ERCC6L2: variants seen among roughly 807,000 people sequenced by gnomAD.
ERCC6L2 encodes ERCC excision repair 6 like 2.
Under a neutral mutation model 132.0 loss-of-function variants are expected in ERCC6L2, and 77 were observed. That is an observed-to-expected ratio of 0.58 (90% CI 0.49 to 0.71). The LOEUF is 0.71. ERCC6L2 is among the 30% of genes least tolerant of loss of function. The pLI, the probability that ERCC6L2 is intolerant of heterozygous loss-of-function variation, is 0.00. For synonymous variants in ERCC6L2, 583 were observed against 632.4 expected (o/e 0.92, Z 1.17); for missense variants, 1,542 against 1,837.6 (o/e 0.84, Z 2.94).
At chr9:95,915,509 G>A (rs1433578084) in intron 4 of ERCC6L2, among the ~76,000 whole-genome samples, 159 bp from the exon 5 acceptor site, 1 of 152,068 alleles carries the variant, frequency 6.6e-6, no homozygotes, top group Non-Finnish European at 1.5e-5. Context: ...CCAAGGGTGT[G>A]ACCATTTAAC....
intron 17 of ERCC6L2, among the ~76,000 whole-genome samples, chr9:95,981,945 T>C (rs1290385079): frequency 6.6e-6 from 1 of 152,180 alleles, no homozygotes; most frequent in Non-Finnish European, 1.5e-5. Flanking sequence ...ATAGTCAACC[T>C]CTGCTGCCTG....
chr9:96,034,888 G>T (rs1170990541), intron 19 of ERCC6L2, among the ~76,000 whole-genome samples: 1 of 151,610 alleles, frequency 6.6e-6, no homozygotes, highest in African/African-American at 2.4e-5. Context: ...CCTGACCCAT[G>T]GCTGTAGACC....
chr9:96,005,458 G>A (rs1588048643), intron 18 of ERCC6L2, among the ~76,000 whole-genome samples: 1 of 151,820 alleles, frequency 6.6e-6, no homozygotes, highest in East Asian at 1.9e-4. Context: ...GATGGGGAGG[G>A]GACATGGAAC....
intron 12 of ERCC6L2, 150 bp from the exon 13 acceptor site, chr9:95,955,764 T>C (rs1200406259): frequency 2.6e-6 from 1 of 389,042 alleles, no homozygotes; most frequent in African/African-American, 2.1e-5. Flanking sequence ...ATTTTTGAAT[T>C]ATTACTAAAT....
At chr9:95,953,127 G>T (rs1176092245) in intron 12 of ERCC6L2, among the ~76,000 whole-genome samples, 1 of 152,164 alleles carries the variant, frequency 6.6e-6, no homozygotes, top group Non-Finnish European at 1.5e-5. Flanking sequence ...TTTGGAAAGT[G>T]CCTGTAGCTA....
At chr9:95,916,525 A>G in intron 6 of ERCC6L2, 91 bp downstream of exon 6, 1 of 1,115,928 alleles carries the variant, frequency 9.0e-7, no homozygotes, top group Non-Finnish European at 1.2e-6. Context: ...GCATTTTGTA[A>G]ATACAGTTTT....
At chr9:95,978,333 C>A in intron 17 of ERCC6L2, 118 bp downstream of exon 17, 1 of 529,718 alleles carries the variant, frequency 1.9e-6, no homozygotes. Context: ...AAGTGACATA[C>A]AAATAAGTGT....
At chr9:96,021,296 G>C, downstream of ERCC6L2, 1 of 336,604 alleles carries the variant, frequency 3.0e-6, no homozygotes, top group Non-Finnish European at 5.8e-6. The surrounding 1 kb of genome is among the most constrained non-coding windows in gnomAD (Gnocchi z 4.7). Flanking sequence ...AAAGAAAAGA[G>C]AAAGCAAGCG....
At chr9:95,979,362 G>T (rs1022219958) in intron 17 of ERCC6L2, among the ~76,000 whole-genome samples, 1 of 152,112 alleles carries the variant, frequency 6.6e-6, no homozygotes, top group African/African-American at 2.4e-5. Context: ...CATATGCAAA[G>T]AATTGTTCTG....
At chr9:96,007,973 G>A (rs964481233) in intron 18 of ERCC6L2, among the ~76,000 whole-genome samples, 2 of 152,092 alleles carry the variant, frequency 1.3e-5, no homozygotes, top group African/African-American at 4.8e-5. Flanking sequence ...TCTTTGGAGT[G>A]CTGGCGTGGC....
intron 8 of ERCC6L2, 129 bp downstream of exon 8, chr9:95,922,547 T>A (rs1031497045): frequency 3.0e-5 from 19 of 623,850 alleles, no homozygotes; most frequent in Non-Finnish European, 5.0e-5. Context: ...TATTTTTAAA[T>A]GTAGATATCA....
chr9:95,967,813 A>G (rs1469364525), intron 14 of ERCC6L2: 1 of 151,854 alleles, frequency 6.6e-6, no homozygotes, highest in Non-Finnish European at 1.5e-5. Context: ...TGTTCTTTCC[A>G]GTTTCCCTTT....
rs1588002475 is a variant in ERCC6L2, at chr9:95,972,276, C to G, written c.2525C>G (p.Ser842Cys). The stretch of plus-strand genomic sequence containing the variant: ...GCTGGTTGTGAGAAAAATCAGGACT[C>G]TCTTGGTACTTCAAAACATCAGAAA... ...KDAGCEKNQD[S>C]LGTSKHQKLD... is the part of the protein sequence containing the mutation. Residue 842 changes from serine to cysteine, a missense_variant, in exon 16 of 19, where the codon TCT becomes TGT. Coordinates refer to ENST00000653738, the MANE Select transcript of ERCC6L2 (RefSeq NM_020207.7). 1 of 1,301,410 alleles carries G rather than the reference C, an allele frequency of 7.7e-7. No homozygotes were observed. Among genetic ancestry groups the G allele is most frequent in the South Asian group, 1.2e-5 (1 of 80,176 alleles). 80.6% of individuals were successfully genotyped at this position (1,301,410 alleles called of 1,614,324 possible).
rs368915695 is a variant in ERCC6L2 at position 95,884,639 on chromosome 9, G to A, written c.471+3346G>A. 2.6e-4 allele frequency among the ~76,000 whole-genome samples: 40 copies of A among 152,028 alleles called. 1 individual carries two copies. In the Middle Eastern group the frequency reaches 0.014, roughly 52 times the overall value. On this transcript the variant is annotated intron_variant, in intron 2 of 18. Transcript: ENST00000653738. ...TCCCTCATTTCAAATTTAAAAGTAG[G>A]TGAATTTAATATTTTACACTCTACA...
intron 14 of ERCC6L2, chr9:95,968,503 T>C (rs1200025602): frequency 1.3e-5 from 2 of 152,176 alleles, no homozygotes; most frequent in Non-Finnish European, 2.9e-5. Context: ...CTTCTAAATA[T>C]TATTATTAGC....
At chr9:95,982,781 C>A (rs771739410) in intron 17 of ERCC6L2, among the ~76,000 whole-genome samples, 6 of 152,030 alleles carry the variant, frequency 3.9e-5, no homozygotes, top group Non-Finnish European at 8.8e-5. Flanking sequence ...ACACCTAGAA[C>A]TAGGATTGAT....
intron 13 of ERCC6L2, among the ~76,000 whole-genome samples, chr9:95,960,095 A>C (rs141128481): frequency 5.1e-4 from 78 of 152,266 alleles, no homozygotes; most frequent in African/African-American, 1.7e-3. Flanking sequence ...AGTGAGAACA[A>C]TAAGTAGAAG....
intron 7 of ERCC6L2, among the ~76,000 whole-genome samples, chr9:95,921,792 C>T (rs1829880487): frequency 1.3e-5 from 2 of 152,128 alleles, no homozygotes; most frequent in African/African-American, 4.8e-5. Flanking sequence ...ATATTTCCTG[C>T]TCATGTTTCA....
In ERCC6L2 at chr9:95,966,722, CTT is replaced by C; in HGVS notation, c.2100+9_2100+10del. The C allele has an allele frequency of 2.1e-6, 3 of 1,428,106 alleles. No homozygotes were observed. The highest frequency in any genetic ancestry group is 2.8e-6 in the Non-Finnish European group (3 of 1,072,210). The allele number at this position is 1,428,106 out of a possible 1,614,324, so 88.5% of individuals were successfully genotyped here. On this transcript the variant is annotated intron_variant, in intron 14 of 18. Coordinates refer to ENST00000653738, the MANE Select transcript of ERCC6L2 (RefSeq NM_020207.7). ...ACGAAGGACATCCTGGAGGTGTGAA[CTT>C]CTTCTCTGACCTTTTCAATAATATT...
Sources: allele counts gnomAD v4.1 joint callset (sites outside exome capture counted in the v4.1 genomes callset), GRCh38; gene constraint gnomAD v4.1.1; non-coding constraint Gnocchi (gnomAD v3.1); transcripts MANE v1.5; gene names NCBI Gene and HGNC (gene_info 2026-07-23, HGNC 2026-07-21).